Variants in SORCS3 observed in about 807,000 individuals in gnomAD.
SORCS3 encodes the protein VPS10 domain-containing receptor SorCS3.
Under a neutral mutation model 146.3 loss-of-function variants are expected in SORCS3, and 57 were observed. That is an observed-to-expected ratio of 0.39 (90% CI 0.31 to 0.49). The LOEUF (loss-of-function observed/expected upper bound fraction) is 0.49, where lower values mean the gene tolerates loss of function less well. SORCS3 is among the 20% of genes least tolerant of loss of function. The probability of loss-of-function intolerance (pLI) is 0.92; values close to 1 mark genes in which losing one functional copy is unlikely to be tolerated. For missense variants in SORCS3, 1,341 were observed against 1,575.5 expected, an observed-to-expected ratio of 0.85 and a Z score of 2.52; for synonymous variants, 653 against 618.5, an observed-to-expected ratio of 1.06 and a Z score of -0.83.
At chr10:104,658,268 G>A (rs1370270057) in intron 1 of SORCS3, among the ~76,000 whole-genome samples, 1 of 152,178 alleles carries the variant, frequency 6.6e-6, no homozygotes, top group Non-Finnish European at 1.5e-5. Flanking sequence ...GGGAGAAAGG[G>A]CTCATCCATG....
chr10:105,100,262 A>T (rs1364856382), intron 6 of SORCS3, among the ~76,000 whole-genome samples: 1 of 152,218 alleles, frequency 6.6e-6, no homozygotes, highest in African/African-American at 2.4e-5. Context: ...TATTAGGAAG[A>T]CATTTTACAT....
At chr10:105,219,231 G>C (rs758193262) in intron 19 of SORCS3, among the ~76,000 whole-genome samples, 3 of 152,096 alleles carry the variant, frequency 2.0e-5, no homozygotes, top group Admixed American at 1.3e-4. Context: ...AAGGGAAAAG[G>C]CTCAGGGGGC....
At chr10:105,046,400 G>A (rs960160461) in intron 5 of SORCS3, among the ~76,000 whole-genome samples, 6 of 152,122 alleles carry the variant, frequency 3.9e-5, no homozygotes, top group Middle Eastern at 6.8e-3. Context: ...CATGCTACTC[G>A]CAGTTGTTGG....
chr10:104,833,763 C>T (rs982829569), intron 1 of SORCS3, among the ~76,000 whole-genome samples: 1 of 152,222 alleles, frequency 6.6e-6, no homozygotes, highest in East Asian at 1.9e-4. Context: ...CATCCAATCA[C>T]TGACAGCTCC....
chr10:104,974,118 A>C (rs1297012232), intron 3 of SORCS3, among the ~76,000 whole-genome samples: 1 of 152,088 alleles, frequency 6.6e-6, no homozygotes, highest in Non-Finnish European at 1.5e-5. Context: ...ACTTCCCACT[A>C]TGTGGTCAAT....
intron 1 of SORCS3, among the ~76,000 whole-genome samples, chr10:104,813,558 A>T (rs1354530406): frequency 6.6e-6 from 1 of 152,048 alleles, no homozygotes; most frequent in Non-Finnish European, 1.5e-5. Flanking sequence ...TTAGCAACTC[A>T]TTTCCAGTGT....
At chr10:104,987,097 A>G (rs34139551) in intron 4 of SORCS3, among the ~76,000 whole-genome samples, 2 of 152,138 alleles carry the variant, frequency 1.3e-5, no homozygotes, top group Admixed American at 1.3e-4. Context: ...AATATATACA[A>G]CTGCGTACAT....
At chr10:105,015,274 A>G (rs774123444) in intron 4 of SORCS3, among the ~76,000 whole-genome samples, 10 of 152,214 alleles carry the variant, frequency 6.6e-5, no homozygotes, top group South Asian at 2.1e-4. Flanking sequence ...CTACTCCTGG[A>G]TATAAACCCT....
rs573137468 is a variant in SORCS3, at chr10:104,717,781, G to A, written c.627+75827G>A. Among the ~76,000 whole-genome samples, 4 of 152,318 alleles carry A rather than the reference G, an allele frequency of 2.6e-5. No individual in the cohort carries two copies. In the East Asian group the frequency reaches 7.7e-4, roughly 29 times the overall value. ...GGATACTGAATTATGTTAATCATAA[G>A]TCTTAGTCCATTTGGGCTGCTATAA... On this transcript the variant is annotated intron_variant, in intron 1 of 26. Coordinates refer to ENST00000369701, the MANE Select transcript of SORCS3 (RefSeq NM_014978.3).
At chr10:104,643,098 G>A (rs1379945297) in intron 1 of SORCS3, among the ~76,000 whole-genome samples, 1 of 152,242 alleles carries the variant, frequency 6.6e-6, no homozygotes, top group Non-Finnish European at 1.5e-5. Context: ...CCTCTTCTCT[G>A]GCTCCATGGT....
rs185980212 is a variant in SORCS3, at chr10:104,670,604, C to T, written c.627+28650C>T. Reference sequence around the variant, plus strand: ...TGTAGCTTTGTAGTAAGATTTTATTCAGGAAGTATAAGTCTTCTAGATTTG... The same window carrying T: ...TGTAGCTTTGTAGTAAGATTTTATTTAGGAAGTATAAGTCTTCTAGATTTG... On this transcript the variant is annotated intron_variant, in intron 1 of 26. Coordinates refer to ENST00000369701, the MANE Select transcript of SORCS3 (RefSeq NM_014978.3). Among the ~76,000 whole-genome samples, 122 of 152,160 alleles carry T rather than the reference C, an allele frequency of 8.0e-4. 1 individual carries two copies. The South Asian group carries it at 0.015, about 19-fold the overall frequency.
chr10:105,016,134 A>AATATATATATATATATATATAT (rs1355412638), intron 4 of SORCS3, among the ~76,000 whole-genome samples: 55 of 113,616 alleles, frequency 4.8e-4, no homozygotes, highest in Non-Finnish European at 7.3e-4. Flanking sequence ...ATATTATATA[A>AATATATATATATATATATATAT]ATATATATAT....
At chr10:104,697,907 A>C (rs753598341) in intron 1 of SORCS3, among the ~76,000 whole-genome samples, 2 of 152,220 alleles carry the variant, frequency 1.3e-5, no homozygotes, top group Admixed American at 1.3e-4. Context: ...GCTATTCAGC[A>C]TATTCATGGT....
chr10:104,747,916 T>C (rs79936885), intron 1 of SORCS3, among the ~76,000 whole-genome samples: 1,880 of 152,350 alleles, frequency 0.012, 32 homozygotes, highest in African/African-American at 0.038. Context: ...CATGAAACCT[T>C]GGGAAAGTTC....
In SORCS3 at chr10:105,045,553, T is replaced by G. The variant is rs201950558; in HGVS notation, c.1028+2425T>G. Among the ~76,000 whole-genome samples the G allele has an allele frequency of 1.8e-4, 28 of 152,258 alleles. No homozygotes were observed. The East Asian group carries it at 4.4e-3, about 24-fold the overall frequency. On this transcript the variant is annotated intron_variant, in intron 5 of 26. Transcript: ENST00000369701. Reference sequence around the variant, plus strand: ...TTTTTTTTTAATCCAAAGACAGAATTCAGGGTTTTCTAAAGCTCTAAACCG... The same window carrying G: ...TTTTTTTTTAATCCAAAGACAGAATGCAGGGTTTTCTAAAGCTCTAAACCG...
At chr10:104,910,006 T>C (rs532847470) in intron 2 of SORCS3, among the ~76,000 whole-genome samples, 1 of 152,250 alleles carries the variant, frequency 6.6e-6, no homozygotes, top group African/African-American at 2.4e-5. Context: ...AATGTACCAG[T>C]CCGCACTAAG....
intron 1 of SORCS3, among the ~76,000 whole-genome samples, chr10:104,676,913 T>C (rs1344729850): frequency 1.3e-5 from 2 of 152,234 alleles, no homozygotes; most frequent in African/African-American, 4.8e-5. Flanking sequence ...CCAGATCATA[T>C]GAGGTTCTTG....
chr10:105,008,775 TA>T (rs1016144266), intron 4 of SORCS3, among the ~76,000 whole-genome samples: 6 of 152,222 alleles, frequency 3.9e-5, no homozygotes, highest in Admixed American at 2.6e-4. Context: ...GCCTCCTGAG[TA>T]GCTGGGATTA....
At chr10:104,768,916 G>A (rs1387828) in intron 1 of SORCS3, among the ~76,000 whole-genome samples, 120,317 of 152,164 alleles carry the variant, frequency 0.79, 47,868 homozygotes, top group East Asian at 0.94. Flanking sequence ...GGGCAGGGGC[G>A]AAGTGTGGAG....
Sources: gnomAD v4.1 joint callset for allele counts (sites outside exome capture counted in the v4.1 genomes callset) on GRCh38, gnomAD v4.1.1 for gene constraint, MANE v1.5 for transcripts, NCBI Gene and HGNC (gene_info 2026-07-23, HGNC 2026-07-21) for gene names.